AHCTF1: variants seen among roughly 807,000 people sequenced by gnomAD.
The protein encoded by AHCTF1 is AT-hook containing transcription factor 1, also known as protein ELYS.
A neutral mutation model predicts 248.4 loss-of-function variants in AHCTF1; 24 were observed. The ratio of observed to expected loss-of-function variants is 0.10; its 90% confidence interval spans 0.07 to 0.14. AHCTF1 has a LOEUF of 0.14. AHCTF1 is among the 10% of genes least tolerant of loss of function. The pLI, the probability that AHCTF1 is intolerant of heterozygous loss-of-function variation, is 1.00. For synonymous variants in AHCTF1, 786 were observed against 929.8 expected (o/e 0.85, Z 2.81); for missense variants, 2,206 against 2,636.2 (o/e 0.84, Z 3.57).
Position 246,931,273 on chromosome 1 carries a change from A to G in AHCTF1, c.-8+305T>C, listed in dbSNP as rs961445992. ...AGGGTCGCGGCCCCGGCCGTCCGTAAAGGGACCCGACTGCCGGCGCAGGAC... is the reference window on the plus strand; with the variant it reads ...AGGGTCGCGGCCCCGGCCGTCCGTAGAGGGACCCGACTGCCGGCGCAGGAC... On this transcript the variant is annotated intron_variant, in intron 1 of 35. Coordinates refer to ENST00000648844, the MANE Select transcript of AHCTF1 (RefSeq NM_001323342.2). 2.6e-6 allele frequency: 4 copies of G among 1,548,768 alleles called. No individual in the cohort carries two copies. The Admixed American group carries it at 7.9e-5, about 30-fold the overall frequency.
rs765721900 is a variant in AHCTF1, at chr1:246,851,417, G to A, written c.4589C>T (p.Ala1530Val). The A allele has an allele frequency of 1.2e-6, 2 of 1,608,758 alleles. No homozygotes were observed. Among genetic ancestry groups the A allele is most frequent in the Non-Finnish European group, 8.5e-7 (1 of 1,177,396 alleles). Residue 1530 changes from alanine to valine, a missense_variant, in exon 33 of 36, where the codon GCT becomes GTT. Coordinates refer to ENST00000648844, the MANE Select transcript of AHCTF1 (RefSeq NM_001323342.2). ...CCTAGCCTCTTCTCCTGAATCTTGA[G>A]CTTCAAGCTTTTCTTGTTCAATCAC... is the stretch of plus-strand genomic sequence containing the variant. ...IHVIEQEKLEAQDSGEEARNL... is the reference protein window; with the variant it reads ...IHVIEQEKLEVQDSGEEARNL...
chr1:246,891,397 T>C (rs1664198229), intron 15 of AHCTF1, among the ~76,000 whole-genome samples: 1 of 152,192 alleles, frequency 6.6e-6, no homozygotes, highest in South Asian at 2.1e-4. Context: ...TAGCATAGTA[T>C]CACTAATAAA....
At chr1:246,927,190 A>G (rs529428003) in intron 1 of AHCTF1, among the ~76,000 whole-genome samples, 1 of 151,336 alleles carries the variant, frequency 6.6e-6, no homozygotes, top group Admixed American at 6.6e-5. Context: ...AAAAAAAAAA[A>G]GAAAGAAATA....
chr1:246,913,215 A>C lies in AHCTF1; in HGVS notation c.556+17T>G, dbSNP rs1665929830. The stretch of plus-strand genomic sequence containing the variant: ...TCCAGGTGCTCCATTTTTGGTTTCA[A>C]GTAAAGAACTGATTACCTGATGCTT... On this transcript the variant is annotated intron_variant, in intron 4 of 35. Transcript: ENST00000648844. 1.3e-6 allele frequency: 2 copies of C among 1,508,976 alleles called. No homozygotes were observed. Among genetic ancestry groups the C allele is most frequent in the Non-Finnish European group, 8.9e-7 (1 of 1,121,144 alleles). The allele number at this position is 1,508,976 out of a possible 1,614,324, so 93.5% of individuals were successfully genotyped here.
Position 246,867,795 on chromosome 1 carries a change from T to G in AHCTF1, c.3105A>C (p.Pro1035=), listed in dbSNP as rs1238176646. The change falls in exon 25 of 36, where the codon CCA becomes CCC. Residue 1035 remains proline, a synonymous_variant. Coordinates refer to ENST00000648844, the MANE Select transcript of AHCTF1 (RefSeq NM_001323342.2). Reference sequence around the variant, plus strand: ...CAACTTGCTTTGGAACTGCTGATAATGGTTTGGGTCTAGAAACTGTAAAAT... The same window carrying G: ...CAACTTGCTTTGGAACTGCTGATAAGGGTTTGGGTCTAGAAACTGTAAAAT... ...SVFRLVSRPK[P]LSAVPKQVVT... 1 of 1,610,586 alleles carries G rather than the reference T, an allele frequency of 6.2e-7. No homozygotes were observed. Among genetic ancestry groups the G allele is most frequent in the Non-Finnish European group, 8.5e-7 (1 of 1,178,808 alleles).
intron 21 of AHCTF1, among the ~76,000 whole-genome samples, chr1:246,883,198 T>C (rs1663579743): frequency 6.6e-6 from 1 of 152,222 alleles, no homozygotes; most frequent in Admixed American, 6.5e-5. Context: ...TAAAACTTTT[T>C]CAGCCATTTC....
At chr1:246,918,081 A>G (rs1039010) in intron 2 of AHCTF1, among the ~76,000 whole-genome samples, 169 bp downstream of exon 2, 96,888 of 152,060 alleles carry the variant, frequency 0.64, 33,183 homozygotes, top group African/African-American at 0.91. Flanking sequence ...CACTGATAAC[A>G]TGTTTAAGAG....
intron 17 of AHCTF1, among the ~76,000 whole-genome samples, 197 bp downstream of exon 17, chr1:246,889,769 T>C (rs1374073482): frequency 6.6e-6 from 1 of 152,220 alleles, no homozygotes; most frequent in Non-Finnish European, 1.5e-5. Flanking sequence ...GTCTATTACC[T>C]TTACTTCATT....
At chr1:246,884,074 A>G (rs1663644451) in intron 21 of AHCTF1, among the ~76,000 whole-genome samples, 1 of 152,206 alleles carries the variant, frequency 6.6e-6, no homozygotes. Flanking sequence ...AAATGAAAAA[A>G]AAATTTATAT....
intron 35 of AHCTF1, among the ~76,000 whole-genome samples, chr1:246,841,529 C>G (rs1397578636): frequency 6.6e-6 from 1 of 152,192 alleles, no homozygotes; most frequent in Non-Finnish European, 1.5e-5. Context: ...ACCATGCCTA[C>G]TAAGCACAGC....
intron 31 of AHCTF1, among the ~76,000 whole-genome samples, chr1:246,853,619 C>T (rs997672629): frequency 2.0e-5 from 3 of 151,244 alleles, no homozygotes; most frequent in African/African-American, 7.4e-5. Flanking sequence ...GACTACCAGA[C>T]AACCAGCTAT....
At chr1:246,878,082 T>C (rs80176396) in intron 21 of AHCTF1, among the ~76,000 whole-genome samples, 286 of 151,654 alleles carry the variant, frequency 1.9e-3, no homozygotes, top group Non-Finnish European at 3.2e-3. Flanking sequence ...CCAGCAAAAA[T>C]TGCAAAAGAT....
intron 5 of AHCTF1, among the ~76,000 whole-genome samples, chr1:246,906,280 A>C (rs893173314): frequency 4.6e-5 from 7 of 152,112 alleles, no homozygotes; most frequent in Non-Finnish European, 8.8e-5. Context: ...AAATTCAAAG[A>C]CGAGCTGACA....
intron 12 of AHCTF1, among the ~76,000 whole-genome samples, chr1:246,896,870 A>T (rs1022404569): frequency 1.3e-5 from 2 of 152,230 alleles, no homozygotes; most frequent in Non-Finnish European, 2.9e-5. Context: ...AGAGGGAATT[A>T]CATAATGGTC....
intron 14 of AHCTF1, among the ~76,000 whole-genome samples, chr1:246,894,024 T>C (rs188666437): frequency 1.2e-3 from 176 of 152,154 alleles, no homozygotes; most frequent in African/African-American, 4.0e-3. Flanking sequence ...GGCAATATAG[T>C]GAGACCATGT....
At chr1:246,867,052 A>C (rs1662030673) in intron 26 of AHCTF1, among the ~76,000 whole-genome samples, 192 bp downstream of exon 26, 1 of 152,238 alleles carries the variant, frequency 6.6e-6, no homozygotes, top group Non-Finnish European at 1.5e-5. Flanking sequence ...TTATTGAACA[A>C]AAATTTTAAG....
rs922168455 is a variant in AHCTF1 at position 246,918,279 on chromosome 1, T to A, written c.92A>T (p.Glu31Val). 5.0e-6 allele frequency: 8 copies of A among 1,611,312 alleles called. No individual in the cohort carries two copies. Among genetic ancestry groups the A allele is most frequent in the Non-Finnish European group, 6.8e-6 (8 of 1,179,350 alleles). ...AGCAAACTTTCCACGAAGCACAGATTCTAATGTTATTTCGTCTTCTCCAAG... is the reference window on the plus strand; with the variant it reads ...AGCAAACTTTCCACGAAGCACAGATACTAATGTTATTTCGTCTTCTCCAAG... ...QALGEDEITL[E>V]SVLRGKFAAG... The change falls in exon 2 of 36, where the codon GAA becomes GTA. Residue 31 changes from glutamate to valine, a missense_variant. By Grantham distance (121) the Glu-to-Val change is moderately radical (BLOSUM62 -2). Around this residue, in one of 6 missense-constraint regions of AHCTF1, gnomAD observed 69 missense variants for 85.4 expected, o/e 0.81. Coordinates refer to ENST00000648844, the MANE Select transcript of AHCTF1 (RefSeq NM_001323342.2).
Position 246,862,207 on chromosome 1 carries a change from G to A in AHCTF1, c.3541-54C>T, listed in dbSNP as rs554170758. ...CATTAAAAGTGCTTATAGGCCGGGC[G>A]CGGTGGCTCACGCCTGTAATCCCTG... On this transcript the variant is annotated intron_variant, in intron 27 of 35. Transcript: ENST00000648844. 2.3e-4 allele frequency: 333 copies of A among 1,439,590 alleles called. 1 individual carries two copies. In the South Asian group the frequency reaches 3.2e-3, roughly 14 times the overall value. 89.2% of individuals were successfully genotyped at this position (1,439,590 alleles called of 1,614,324 possible).
At chr1:246,908,723 TAA>T (rs35110822) in intron 4 of AHCTF1, among the ~76,000 whole-genome samples, 86 of 106,820 alleles carry the variant, frequency 8.1e-4, no homozygotes, top group Admixed American at 1.4e-3. Flanking sequence ...CAGTCTCTAC[TAA>T]AAAAAAAAAA....
Sources: gnomAD v4.1 joint callset for allele counts (sites outside exome capture counted in the v4.1 genomes callset) on GRCh38, gnomAD v4.1.1 for gene constraint, gnomAD v4.1.1 regional missense constraint, MANE v1.5 for transcripts, NCBI Gene and HGNC (gene_info 2026-07-23, HGNC 2026-07-21) for gene names.